SPOCK1: variants seen among roughly 807,000 people sequenced by gnomAD.
SPOCK1 encodes SPARC (osteonectin), cwcv and kazal like domains proteoglycan 1.
In SPOCK1, 23 loss-of-function variants were observed where a neutral mutation model predicts 55.3. That is an observed-to-expected ratio of 0.42 (90% CI 0.30 to 0.59). The LOEUF is 0.59. SPOCK1 is among the 20% of genes least tolerant of loss of function. The pLI, the probability that SPOCK1 is intolerant of heterozygous loss-of-function variation, is 0.22. For missense variants in SPOCK1, 499 were observed against 552.5 expected (o/e 0.90, Z 0.97); for synonymous variants, 226 against 221.0 (o/e 1.02, Z -0.20).
intron 9 of SPOCK1, among the ~76,000 whole-genome samples, chr5:136,979,966 G>A (rs557589469): frequency 3.3e-5 from 5 of 152,234 alleles, no homozygotes; most frequent in South Asian, 2.1e-4. Context: ...CTTTCTATAC[G>A]CATTAACTAC....
At chr5:137,066,963 T>TAAACAC (rs1554095746) in intron 6 of SPOCK1, among the ~76,000 whole-genome samples, 2 of 126,252 alleles carry the variant, frequency 1.6e-5, no homozygotes, top group East Asian at 2.4e-4. Context: ...AACATAAGCA[T>TAAACAC]ACACACACAC....
chr5:137,368,575 C>T (rs573349298), intron 2 of SPOCK1, among the ~76,000 whole-genome samples: 14 of 152,158 alleles, frequency 9.2e-5, no homozygotes, highest in East Asian at 1.9e-4. Context: ...GGGGGACACA[C>T]GCAGCATTTC....
chr5:136,983,533 G>A (rs953957482), intron 9 of SPOCK1, among the ~76,000 whole-genome samples: 6 of 149,488 alleles, frequency 4.0e-5, no homozygotes, highest in Non-Finnish European at 7.4e-5. Context: ...GATGCGGTCA[G>A]TAGCCCAAAA....
chr5:137,480,255 T>G, intron 2 of SPOCK1, among the ~76,000 whole-genome samples: 1 of 152,018 alleles, frequency 6.6e-6, no homozygotes. Flanking sequence ...CAAGGACATG[T>G]GTTTATGACT....
chr5:137,362,430 C>CA (rs1750970500), intron 2 of SPOCK1, among the ~76,000 whole-genome samples: 1 of 151,262 alleles, frequency 6.6e-6, no homozygotes, highest in African/African-American at 2.4e-5. Context: ...CCCAGGTTCA[C>CA]ACCATTCTCC....
chr5:137,212,184 A>T lies in SPOCK1; in HGVS notation c.232+54826T>A, dbSNP rs145959425. Among the ~76,000 whole-genome samples, 81 of 152,282 alleles carry T rather than the reference A, an allele frequency of 5.3e-4. No individual in the cohort carries two copies. The East Asian group carries it at 0.013, about 25-fold the overall frequency. On this transcript the variant is annotated intron_variant, in intron 3 of 10. Coordinates refer to ENST00000394945, the MANE Select transcript of SPOCK1 (RefSeq NM_004598.4). ...GTAGACAGTGACAGAATTAAGTTAA[A>T]CTGTAGGACATCCAGTTAGTGTCTG...
chr5:137,323,718 G>T (rs1758021754), intron 2 of SPOCK1, among the ~76,000 whole-genome samples: 1 of 151,988 alleles, frequency 6.6e-6, no homozygotes, highest in Admixed American at 6.6e-5. Flanking sequence ...CAACATGTAT[G>T]GGAAAAAAAA....
rs150526920 is a variant in SPOCK1 at position 137,354,060 on chromosome 5, G to A, written c.187-87005C>T. Among the ~76,000 whole-genome samples the A allele has an allele frequency of 4.6e-5, 7 of 152,128 alleles. No individual in the cohort carries two copies. The East Asian group carries it at 9.7e-4, about 21-fold the overall frequency. On this transcript the variant is annotated intron_variant, in intron 2 of 10. Coordinates refer to ENST00000394945, the MANE Select transcript of SPOCK1 (RefSeq NM_004598.4). Reference sequence around the variant, plus strand: ...CTGCCACCATTTTCACTCACGTTCTGACCCTCAGAAGCTCTGAAATCACAT... The same window carrying A: ...CTGCCACCATTTTCACTCACGTTCTAACCCTCAGAAGCTCTGAAATCACAT...
chr5:137,046,572 T>C (rs1057370150), intron 6 of SPOCK1, among the ~76,000 whole-genome samples: 6 of 123,444 alleles, frequency 4.9e-5, no homozygotes, highest in African/African-American at 1.8e-4. Flanking sequence ...TAAACAATCA[T>C]GTCGTCTGCA....
chr5:137,004,853 G>T (rs1308044799), intron 6 of SPOCK1, among the ~76,000 whole-genome samples: 1 of 152,154 alleles, frequency 6.6e-6, no homozygotes, highest in Non-Finnish European at 1.5e-5. Flanking sequence ...CAGGCAAAGA[G>T]CTCCTTCTGA....
intron 2 of SPOCK1, among the ~76,000 whole-genome samples, chr5:137,307,278 C>A (rs1005991976): frequency 2.0e-5 from 3 of 152,204 alleles, no homozygotes; most frequent in Admixed American, 6.5e-5. Context: ...CACTTAACTG[C>A]CGTCTCCAAA....
intron 2 of SPOCK1, among the ~76,000 whole-genome samples, chr5:137,361,453 G>T (rs1339140888): frequency 1.3e-5 from 2 of 152,190 alleles, no homozygotes; most frequent in Non-Finnish European, 2.9e-5. Flanking sequence ...GTGAGTGGAT[G>T]CATGGGTGGG....
chr5:137,224,503 C>T (rs1422936093), intron 3 of SPOCK1, among the ~76,000 whole-genome samples: 1 of 152,174 alleles, frequency 6.6e-6, no homozygotes, highest in Non-Finnish European at 1.5e-5. Flanking sequence ...GGTGTAAAAT[C>T]AAAATGGCAG....
rs532437981 is a variant in SPOCK1, at chr5:137,452,442, C to T, written c.186+45931G>A. 3.3e-5 allele frequency among the ~76,000 whole-genome samples: 5 copies of T among 152,152 alleles called. No individual in the cohort carries two copies. The East Asian group carries it at 9.6e-4, about 29-fold the overall frequency. ...CCCAAATTATTTAGTTATCTTTTTC[C>T]CCATTTGCATTGACTATTACCTACT... On this transcript the variant is annotated intron_variant, in intron 2 of 10. Transcript: ENST00000394945.
chr5:137,418,073 T>C (rs557976859), intron 2 of SPOCK1, among the ~76,000 whole-genome samples: 9 of 152,164 alleles, frequency 5.9e-5, no homozygotes, highest in Admixed American at 5.2e-4. Flanking sequence ...GTTGTCCTTG[T>C]GATAGTTAGC....
intron 3 of SPOCK1, among the ~76,000 whole-genome samples, chr5:137,223,890 T>C (rs1755902292): frequency 6.6e-6 from 1 of 152,130 alleles, no homozygotes; most frequent in Admixed American, 6.6e-5. Context: ...ATAAAGTTTA[T>C]GAAAAAGTTA....
At chr5:137,142,028 A>T (rs772863554) in intron 3 of SPOCK1, among the ~76,000 whole-genome samples, 9 of 152,210 alleles carry the variant, frequency 5.9e-5, no homozygotes, top group Non-Finnish European at 7.3e-5. Context: ...GCAAAACAAA[A>T]GCAATTGTGC....
chr5:137,498,579 G>A (rs558834795), intron 1 of SPOCK1, 21 bp from the exon 2 acceptor site: 1 of 1,415,358 alleles, frequency 7.1e-7, no homozygotes, highest in East Asian at 2.9e-5. Context: ...GGGCGCGCAG[G>A]GCGATGAGCG....
At chr5:137,407,177 A>G (rs1040469514) in intron 2 of SPOCK1, among the ~76,000 whole-genome samples, 5 of 152,222 alleles carry the variant, frequency 3.3e-5, no homozygotes, top group East Asian at 1.9e-4. Context: ...AAAAATAGAT[A>G]TAAGATTTTT....
Sources: allele counts gnomAD v4.1 joint callset (sites outside exome capture counted in the v4.1 genomes callset), GRCh38; gene constraint gnomAD v4.1.1; transcripts MANE v1.5; gene names NCBI Gene and HGNC (gene_info 2026-07-23, HGNC 2026-07-21).